The following EED variants were observed in gnomAD, a reference collection of about 807,000 sequenced individuals.
EED encodes the protein embryonic ectoderm development.
In EED, 9 loss-of-function variants were observed where a neutral mutation model predicts 61.0. The ratio of observed to expected loss-of-function variants is 0.15; its 90% CI spans 0.09 to 0.26. The LOEUF (loss-of-function observed/expected upper bound fraction) is 0.26. EED is among the 10% of genes least tolerant of loss of function. The probability of loss-of-function intolerance (pLI) is 1.00; values close to 1 mark genes in which losing one functional copy is unlikely to be tolerated. For missense variants in EED, 315 were observed against 542.3 expected (o/e 0.58, Z 4.16); for synonymous variants, 187 against 174.4 (o/e 1.07, Z -0.57).
chr11:86,247,259 C>T (rs779816782), intron 1 of EED, among the ~76,000 whole-genome samples: 4 of 152,084 alleles, frequency 2.6e-5, no homozygotes, highest in African/African-American at 7.2e-5. Context: ...TGTGTGCGTG[C>T]GCATGCCTTG....
Position 86,245,322 on chromosome 11 carries a change from A to G in EED, c.93A>G (p.Pro31=). The change falls in exon 1 of 12, where the codon CCA becomes CCG. Residue 31 remains proline, a synonymous_variant. Transcript: ENST00000263360. The stretch of plus-strand genomic sequence containing the variant: ...TGAGCAGTGACGAGAACAGCAATCC[A>G]GACCTCTCTGGAGACGAGAATGTAA... ...QKLSSDENSN[P]DLSGDENDDA... 3.1e-6 allele frequency: 5 copies of G among 1,613,240 alleles called. No individual in the cohort carries two copies. Among genetic ancestry groups the G allele is most frequent in the Non-Finnish European group, 4.2e-6 (5 of 1,179,822 alleles).
At chr11:86,255,623 C>G (rs7951030) in intron 4 of EED, among the ~76,000 whole-genome samples, 53,546 of 151,758 alleles carry the variant, frequency 0.35, 9,901 homozygotes, top group Non-Finnish European at 0.41. Context: ...TTTCTTTGAC[C>G]TTGCCTAGAA....
intron 6 of EED, among the ~76,000 whole-genome samples, chr11:86,262,926 C>T (rs1276068242): frequency 6.6e-6 from 1 of 151,786 alleles, no homozygotes; most frequent in African/African-American, 2.4e-5. Flanking sequence ...ATCCTCTTGC[C>T]TCAGTCCCCT....
intron 8 of EED, 123 bp from the exon 9 acceptor site, chr11:86,268,333 A>T: frequency 1.7e-6 from 1 of 579,176 alleles, no homozygotes; most frequent in East Asian, 3.0e-5. Context: ...TTATGTAGGA[A>T]CACAGAGGAA....
At chr11:86,251,446 G>A (rs1237141002) in intron 2 of EED, among the ~76,000 whole-genome samples, 2 of 152,130 alleles carry the variant, frequency 1.3e-5, no homozygotes, top group Non-Finnish European at 2.9e-5. Flanking sequence ...ATGAGAAAAC[G>A]AAAGACGTAC....
chr11:86,254,211 C>G (rs2138149426), intron 3 of EED, among the ~76,000 whole-genome samples: 1 of 151,770 alleles, frequency 6.6e-6, no homozygotes, highest in Admixed American at 6.6e-5. Context: ...TATCTGTACC[C>G]ATGAGAAAAT....
the EED span, among the ~76,000 whole-genome samples, chr11:86,286,691 G>T: frequency 1.1e-4 from 16 of 151,982 alleles, no homozygotes; most frequent in East Asian, 1.5e-3. Flanking sequence ...AGACTATACA[G>T]GCCAGGTGCG....
intron 4 of EED, 136 bp downstream of exon 4, chr11:86,255,423 G>T: frequency 1.5e-6 from 1 of 672,038 alleles, no homozygotes; most frequent in Non-Finnish European, 2.4e-6. Flanking sequence ...TCACCCAAGA[G>T]AATCCTGTAT....
chr11:86,245,227 A>G lies in EED; in HGVS notation c.-3A>G, dbSNP rs1945358776. Reference sequence around the variant, plus strand: ...GCAGGAACCTGGAGGGAGGCGGAGGAATATGTCCGAGAGGGAAGTGTCGAC... The same window carrying G: ...GCAGGAACCTGGAGGGAGGCGGAGGGATATGTCCGAGAGGGAAGTGTCGAC... On this transcript the variant is annotated 5_prime_UTR_variant, in exon 1 of 12. Coordinates refer to ENST00000263360, the MANE Select transcript of EED (RefSeq NM_003797.5). 2 of 1,611,638 alleles carry G rather than the reference A, an allele frequency of 1.2e-6. No homozygotes were observed. The highest frequency in any genetic ancestry group is 2.2e-5 in the South Asian group (2 of 90,986).
chr11:86,249,729 T>G (rs1029203377), intron 1 of EED, among the ~76,000 whole-genome samples: 1 of 152,212 alleles, frequency 6.6e-6, no homozygotes, highest in Admixed American at 6.5e-5. Context: ...TGTAGCACTT[T>G]AAAAAAATTC....
Position 86,278,669 on chromosome 11 carries a change from A to T in EED, c.*144A>T. 9.5e-7 allele frequency: 1 copy of T among 1,048,586 alleles called. No individual in the cohort carries two copies. The allele number at this position is 1,048,586 out of a possible 1,614,324, so 65.0% of individuals were successfully genotyped here. ...CTGAGCTGAATGTAGTGATGTTTAC[A>T]TTGTTTACATTCTTTGTACTGTCTT... is the stretch of plus-strand genomic sequence containing the variant. On this transcript the variant is annotated 3_prime_UTR_variant, in exon 12 of 12. Transcript: ENST00000263360.
At chr11:86,264,367 A>G (rs1185732433) in intron 7 of EED, 104 bp downstream of exon 7, 2 of 729,996 alleles carry the variant, frequency 2.7e-6, no homozygotes, top group Admixed American at 2.5e-5. Context: ...GTAGCCTGTC[A>G]GGCAGACATT....
At chr11:86,272,677 C>T (rs1201668188) in intron 9 of EED, among the ~76,000 whole-genome samples, 1 of 152,182 alleles carries the variant, frequency 6.6e-6, no homozygotes, top group Non-Finnish European at 1.5e-5. Context: ...CATGCATTCA[C>T]ATTTAGTATT....
chr11:86,277,199 G>A (rs778804339), intron 10 of EED, 61 bp downstream of exon 10: 5 of 1,441,754 alleles, frequency 3.5e-6, no homozygotes, highest in Non-Finnish European at 4.7e-6. Context: ...TGTAATTCTA[G>A]CTTTTTCTGT....
intron 9 of EED, 133 bp downstream of exon 9, chr11:86,268,694 G>A: frequency 2.0e-6 from 1 of 507,500 alleles, no homozygotes; most frequent in Non-Finnish European, 3.4e-6. Flanking sequence ...AATGGCAGCT[G>A]GGAAGTTGCC....
At chr11:86,250,033 G>A (rs1436641419) in intron 1 of EED, among the ~76,000 whole-genome samples, 1 of 152,168 alleles carries the variant, frequency 6.6e-6, no homozygotes, top group Non-Finnish European at 1.5e-5. Flanking sequence ...GAACAGACCA[G>A]TGCCTTATTA....
At chr11:86,271,468 T>G (rs758626114) in intron 9 of EED, among the ~76,000 whole-genome samples, 2 of 152,244 alleles carry the variant, frequency 1.3e-5, no homozygotes, top group Non-Finnish European at 2.9e-5. Context: ...ACAGTTTTAT[T>G]TCTTCCTTTG....
intron 9 of EED, among the ~76,000 whole-genome samples, chr11:86,271,716 G>C (rs955619122): frequency 6.6e-6 from 1 of 152,052 alleles, no homozygotes; most frequent in African/African-American, 2.4e-5. Context: ...TTTGTCAAAT[G>C]CTTTTTCTTC....
the EED span, among the ~76,000 whole-genome samples, chr11:86,286,562 A>G: frequency 6.6e-6 from 1 of 152,200 alleles, no homozygotes; most frequent in Non-Finnish European, 1.5e-5. Flanking sequence ...AAGAATTGAA[A>G]TGCTCCTTTG....
Sources: gnomAD v4.1 joint callset for allele counts (sites outside exome capture counted in the v4.1 genomes callset) on GRCh38, gnomAD v4.1.1 for gene constraint, MANE v1.5 for transcripts, NCBI Gene and HGNC (gene_info 2026-07-23, HGNC 2026-07-21) for gene names.